Variants in COPZ1 observed in about 807,000 individuals in gnomAD.
The protein encoded by COPZ1 is coatomer subunit zeta-1.
A neutral mutation model predicts 31.7 loss-of-function variants in COPZ1; 4 were observed. The observed-to-expected ratio is 0.13, with a 90% CI of 0.06 to 0.29. The LOEUF (loss-of-function observed/expected upper bound fraction) is 0.29. Among genes scored for constraint, COPZ1 ranks in the 10% least tolerant of loss-of-function variants. COPZ1 has a pLI of 1.00. For missense variants in COPZ1, 156 were observed against 211.5 expected, an observed-to-expected ratio of 0.74 and a Z score of 1.63; for synonymous variants, 74 against 79.0, an observed-to-expected ratio of 0.94 and a Z score of 0.33.
chr12:54,340,752 A>G (rs562086055), intron 2 of COPZ1, 137 bp downstream of exon 2: 27 of 953,452 alleles, frequency 2.8e-5, no homozygotes, highest in African/African-American at 8.5e-5. Flanking sequence ...TTTTTTTGAG[A>G]TGGAGTTTCG....
intron 1 of COPZ1, among the ~76,000 whole-genome samples, chr12:54,333,136 G>C (rs73314635): frequency 1.8e-3 from 276 of 152,100 alleles, no homozygotes; most frequent in Non-Finnish European, 3.2e-3. Flanking sequence ...CTCCATCTCC[G>C]GGGTTTAAGC....
At chr12:54,336,310 C>T (rs577658690) in intron 1 of COPZ1, among the ~76,000 whole-genome samples, 66 of 152,114 alleles carry the variant, frequency 4.3e-4, no homozygotes, top group African/African-American at 1.5e-3. Flanking sequence ...TTTGGGAGGC[C>T]GAGGCGGGCG....
intron 1 of COPZ1, 106 bp downstream of exon 1, chr12:54,325,287 G>T (rs1418643879): frequency 5.8e-6 from 8 of 1,390,448 alleles, no homozygotes; most frequent in South Asian, 1.4e-5. Flanking sequence ...GTAATTCTTG[G>T]GGACTGAGCG....
chr12:54,348,354 G>A (rs995853291), intron 7 of COPZ1, among the ~76,000 whole-genome samples: 1 of 152,172 alleles, frequency 6.6e-6, no homozygotes, highest in Non-Finnish European at 1.5e-5. Context: ...TTATGGTTTT[G>A]AAATTATAAA....
At chr12:54,330,108 C>T (rs1397754721) in intron 1 of COPZ1, among the ~76,000 whole-genome samples, 5 of 152,156 alleles carry the variant, frequency 3.3e-5, no homozygotes, top group Non-Finnish European at 7.4e-5. Flanking sequence ...GCAATCTCCT[C>T]ATTCCTGCGC....
chr12:54,345,608 C>A, intron 5 of COPZ1, 93 bp downstream of exon 5: 1 of 1,019,836 alleles, frequency 9.8e-7, no homozygotes, highest in Non-Finnish European at 1.5e-6. Flanking sequence ...AACCATTCTT[C>A]AGGCCCAGGG....
chr12:54,336,889 G>A (rs978237569), intron 1 of COPZ1, among the ~76,000 whole-genome samples: 4 of 152,028 alleles, frequency 2.6e-5, no homozygotes, highest in South Asian at 2.1e-4. Context: ...GGGCATGGGG[G>A]TGTGTGCCTG....
At chr12:54,325,326 G>A (rs1484359184) in intron 1 of COPZ1, 145 bp downstream of exon 1, 1 of 1,088,960 alleles carries the variant, frequency 9.2e-7, no homozygotes, top group South Asian at 1.6e-5. Flanking sequence ...TAAGTGTGTG[G>A]CCTAGTGTAG....
At chr12:54,346,012 A>G (rs903899309) in intron 5 of COPZ1, among the ~76,000 whole-genome samples, 8 of 150,716 alleles carry the variant, frequency 5.3e-5, no homozygotes, top group Non-Finnish European at 1.2e-4. Context: ...GCTACTGGGG[A>G]GGACTGGATG....
At chr12:54,338,500 A>G (rs1953912137) in intron 1 of COPZ1, among the ~76,000 whole-genome samples, 2 of 152,340 alleles carry the variant, frequency 1.3e-5, no homozygotes, top group South Asian at 4.1e-4. Flanking sequence ...AGAGTGTTAT[A>G]TATACAGGAT....
Position 54,350,920 on chromosome 12 carries a change from T to C in COPZ1, c.*397T>C. On this transcript the variant is annotated 3_prime_UTR_variant, in exon 9 of 9. Transcript: ENST00000262061. Reference sequence around the variant, plus strand: ...TCCCTTTGCCTCTACCTGGCCCTCATCCCAACAGCCCAGCAAGGGGAGAGA... The same window carrying C: ...TCCCTTTGCCTCTACCTGGCCCTCACCCCAACAGCCCAGCAAGGGGAGAGA... 4.5e-6 allele frequency: 1 copy of C among 220,158 alleles called. No individual in the cohort carries two copies. The highest frequency in any genetic ancestry group is 9.4e-6 in the Non-Finnish European group (1 of 106,588). The allele number at this position is 220,158 out of a possible 1,614,324, so 13.6% of individuals were successfully genotyped here.
chr12:54,335,082 G>A (rs1386136281), intron 1 of COPZ1, among the ~76,000 whole-genome samples: 3 of 151,598 alleles, frequency 2.0e-5, no homozygotes, highest in African/African-American at 2.4e-5. Context: ...GCTGAGACAC[G>A]AGAATTGCTG....
At chr12:54,349,559 C>T in intron 7 of COPZ1, 61 bp from the exon 8 acceptor site, 1 of 1,340,380 alleles carries the variant, frequency 7.5e-7, no homozygotes, top group South Asian at 1.2e-5. Flanking sequence ...TAATACCAGA[C>T]TCCAATCAGG....
At chr12:54,326,288 C>A (rs1192192148) in intron 1 of COPZ1, among the ~76,000 whole-genome samples, 2 of 148,860 alleles carry the variant, frequency 1.3e-5, no homozygotes, top group Admixed American at 1.4e-4. Context: ...TACAGGCGCT[C>A]GCCACCACTC....
chr12:54,341,571 A>G (rs1382265919), intron 2 of COPZ1, among the ~76,000 whole-genome samples: 1 of 152,204 alleles, frequency 6.6e-6, no homozygotes. Flanking sequence ...CAGACCTGTC[A>G]TGGGTCTTCA....
At chr12:54,327,230 C>T (rs1443972064) in intron 1 of COPZ1, among the ~76,000 whole-genome samples, 1 of 151,352 alleles carries the variant, frequency 6.6e-6, no homozygotes, top group Non-Finnish European at 1.5e-5. Context: ...AAGTGATCTG[C>T]CTGCCTTGGC....
At chr12:54,331,160 T>C (rs1953743946) in intron 1 of COPZ1, among the ~76,000 whole-genome samples, 2 of 151,798 alleles carry the variant, frequency 1.3e-5, no homozygotes, top group Admixed American at 1.3e-4. Flanking sequence ...ATTTGGCTTT[T>C]TATTTTCACA....
chr12:54,332,177 C>A (rs1263489895), intron 1 of COPZ1, among the ~76,000 whole-genome samples: 1 of 151,844 alleles, frequency 6.6e-6, no homozygotes, highest in Admixed American at 6.6e-5. Flanking sequence ...CAAAAATTAG[C>A]CGGTCATGGT....
chr12:54,336,953 T>C (rs532477015), intron 1 of COPZ1, among the ~76,000 whole-genome samples: 1 of 130,044 alleles, frequency 7.7e-6, no homozygotes, highest in East Asian at 2.3e-4. Flanking sequence ...ATCCGGGAGG[T>C]GGAGGTTGTA....
Sources: allele counts gnomAD v4.1 joint callset (sites outside exome capture counted in the v4.1 genomes callset), GRCh38; gene constraint gnomAD v4.1.1; transcripts MANE v1.5; gene names NCBI Gene and HGNC (gene_info 2026-07-23, HGNC 2026-07-21).